MTRF1: variants seen among roughly 807,000 people sequenced by gnomAD.
MTRF1 encodes the protein mitochondrial translation release factor 1.
In MTRF1, 51 loss-of-function variants were observed where a neutral mutation model predicts 62.9. The observed-to-expected ratio is 0.81, with a 90% CI of 0.65 to 1.02. MTRF1 has a LOEUF of 1.02. MTRF1 is among the 50% of genes least tolerant of loss of function. MTRF1 has a pLI of 0.00. For missense variants in MTRF1, 446 were observed against 530.0 expected (o/e 0.84, Z 1.56); for synonymous variants, 158 against 181.9 (o/e 0.87, Z 1.06).
At chr13:41,229,100 G>T (rs557877622) in intron 7 of MTRF1, 1 of 152,214 alleles carries the variant, frequency 6.6e-6, no homozygotes, top group Non-Finnish European at 1.5e-5. Flanking sequence ...AGGCCTTCAG[G>T]CCTCTTTGAA....
chr13:41,289,959 C>A, the MTRF1 span, among the ~76,000 whole-genome samples: 1 of 152,150 alleles, frequency 6.6e-6, no homozygotes, highest in Non-Finnish European at 1.5e-5. Context: ...GCAGGGAAAA[C>A]GCTTCCACAA....
intron 1 of MTRF1, chr13:41,263,163 A>G: frequency 1.3e-6 from 1 of 788,684 alleles, no homozygotes; most frequent in Non-Finnish European, 1.9e-6. Flanking sequence ...ACTTATTGCT[A>G]AAATTTCCAT....
At chr13:41,287,902 G>T in the MTRF1 span, 27 of 404,180 alleles carry the variant, frequency 6.7e-5, no homozygotes, top group Middle Eastern at 3.8e-3. Context: ...AAAAACTGCA[G>T]ATAGGTGATG....
chr13:41,273,101 T>C, the MTRF1 span, among the ~76,000 whole-genome samples: 173 of 151,628 alleles, frequency 1.1e-3, no homozygotes, highest in Admixed American at 3.8e-3. Context: ...CCGAGGCGGG[T>C]GGATCACGAG....
the MTRF1 span, among the ~76,000 whole-genome samples, chr13:41,299,811 A>C: frequency 2.0e-5 from 3 of 152,176 alleles, no homozygotes; most frequent in Non-Finnish European, 4.4e-5. Flanking sequence ...AAAAGCTCTA[A>C]GGCATAATTC....
At chr13:41,287,531 T>C in the MTRF1 span, among the ~76,000 whole-genome samples, 1 of 152,236 alleles carries the variant, frequency 6.6e-6, no homozygotes, top group Non-Finnish European at 1.5e-5. Flanking sequence ...AGAAGTCTTG[T>C]CATTTTAGAG....
At chr13:41,275,287 G>A in the MTRF1 span, among the ~76,000 whole-genome samples, 2 of 151,252 alleles carry the variant, frequency 1.3e-5, no homozygotes, top group East Asian at 1.9e-4. Flanking sequence ...TGCAAGCTCC[G>A]CCTCCCGGGT....
intron 6 of MTRF1, chr13:41,236,833 G>A (rs1459719741): frequency 6.6e-6 from 1 of 152,096 alleles, no homozygotes; most frequent in East Asian, 1.9e-4. Flanking sequence ...GGTGACTTAG[G>A]GCAGATAAAG....
At chr13:41,234,326 C>T (rs1825231042) in intron 6 of MTRF1, among the ~76,000 whole-genome samples, 1 of 152,124 alleles carries the variant, frequency 6.6e-6, no homozygotes, top group African/African-American at 2.4e-5. Context: ...TACTGGTGCG[C>T]ACTACCGTGC....
intron 5 of MTRF1, among the ~76,000 whole-genome samples, chr13:41,245,016 T>C (rs1434968884): frequency 5.3e-5 from 8 of 152,226 alleles, no homozygotes; most frequent in Non-Finnish European, 1.0e-4. Flanking sequence ...ATCAACAATA[T>C]TTGTCATTTT....
intron 7 of MTRF1, chr13:41,229,158 A>G (rs1186760966): frequency 6.6e-6 from 1 of 152,248 alleles, no homozygotes; most frequent in East Asian, 1.9e-4. Flanking sequence ...GCCCAAGGTA[A>G]GTCTGGCAGC....
At chr13:41,311,492 C>G in the MTRF1 span, 4 of 1,570,424 alleles carry the variant, frequency 2.5e-6, no homozygotes, top group Non-Finnish European at 3.5e-6. Context: ...GGGCACCTAG[C>G]CTCCCTGCCG....
At chr13:41,273,293 T>C in the MTRF1 span, among the ~76,000 whole-genome samples, 16 of 148,112 alleles carry the variant, frequency 1.1e-4, no homozygotes, top group East Asian at 1.0e-3. Flanking sequence ...GCCACTGCAC[T>C]CCAGCCTGGG....
rs201353794 is a variant in MTRF1, at chr13:41,246,044, G to A, written c.698-5611C>T. On this transcript the variant is annotated intron_variant, in intron 5 of 9. Transcript: ENST00000379480. ...CTTTAAATCTCCTTACCTACAGCCCGAACACTTTACTCATTATTGGAGAGC... is the reference window on the plus strand; with the variant it reads ...CTTTAAATCTCCTTACCTACAGCCCAAACACTTTACTCATTATTGGAGAGC... Among the ~76,000 whole-genome samples the A allele has an allele frequency of 1.5e-4, 13 of 88,108 alleles. No homozygotes were observed. In the East Asian group the frequency reaches 3.4e-3, roughly 23 times the overall value. 57.8% of individuals were successfully genotyped at this position (88,108 alleles called of 152,430 possible). A position where few individuals can be genotyped will look rare whatever the true frequency, so the allele number is the denominator to read the frequency against.
intron 3 of MTRF1, 77 bp downstream of exon 3, chr13:41,254,452 G>T: frequency 1.0e-6 from 1 of 979,188 alleles, no homozygotes; most frequent in Non-Finnish European, 1.6e-6. Context: ...ACCACTATGA[G>T]CACCGAAGCA....
chr13:41,291,127 A>G, the MTRF1 span, among the ~76,000 whole-genome samples: 1 of 151,834 alleles, frequency 6.6e-6, no homozygotes, highest in Non-Finnish European at 1.5e-5. Flanking sequence ...AGAAATTTTG[A>G]AAAAAGTTGC....
Position 41,223,262 on chromosome 13 carries a change from A to C in MTRF1, c.1218T>G (p.Asp406Glu), listed in dbSNP as rs1401015610. ...GCATACTCAGTAGTATTACCTTAAT[A>C]TCACGAACTTCATATGCTATCCTGT... ...SDHRIAYEVR[D>E]IKEFLCGGKG... Residue 406 changes from aspartate (D) to glutamate (E), a missense_variant, in exon 9 of 10, where the codon GAT becomes GAG. Asp to Glu is a conservative substitution (Grantham distance 45, BLOSUM62 2). Transcript: ENST00000379480. 1 of 1,610,548 alleles carries C rather than the reference A, an allele frequency of 6.2e-7. No individual in the cohort carries two copies. Among genetic ancestry groups the C allele is most frequent in the Non-Finnish European group, 8.5e-7 (1 of 1,177,124 alleles).
intron 2 of MTRF1, among the ~76,000 whole-genome samples, chr13:41,256,438 T>C (rs1328309490): frequency 6.6e-6 from 1 of 151,974 alleles, no homozygotes. Flanking sequence ...GCAATTCTCC[T>C]GCCTCAGCCT....
chr13:41,233,809 A>T (rs2036006332), intron 7 of MTRF1, 81 bp downstream of exon 7: 1 of 1,066,598 alleles, frequency 9.4e-7, no homozygotes, highest in African/African-American at 1.6e-5. Context: ...GGAACCAGAC[A>T]CTCATATAGG....
Sources: gnomAD v4.1 joint callset for allele counts (sites outside exome capture counted in the v4.1 genomes callset) on GRCh38, gnomAD v4.1.1 for gene constraint, MANE v1.5 for transcripts, NCBI Gene and HGNC (gene_info 2026-07-23, HGNC 2026-07-21) for gene names.